The following TGFBI variants were observed in gnomAD, a reference collection of about 807,000 sequenced individuals.
TGFBI encodes transforming growth factor beta induced.
In TGFBI, 50 loss-of-function variants were observed where a neutral mutation model predicts 73.7. The observed-to-expected ratio is 0.68, with a 90% confidence interval of 0.54 to 0.86. The LOEUF is 0.86. TGFBI is among the 40% of genes least tolerant of loss of function. TGFBI has a pLI of 0.00. For missense variants in TGFBI, 839 were observed against 877.0 expected (o/e 0.96, Z 0.55); for synonymous variants, 362 against 360.5 (o/e 1.00, Z -0.05).
intron 12 of TGFBI, among the ~76,000 whole-genome samples, chr5:136,058,532 G>A: frequency 6.6e-6 from 1 of 152,160 alleles, no homozygotes. Flanking sequence ...ATCCCCCTCA[G>A]CCCTGACCTC....
intron 7 of TGFBI, among the ~76,000 whole-genome samples, chr5:136,052,482 G>A (rs1335735784): frequency 6.6e-6 from 1 of 152,206 alleles, no homozygotes; most frequent in African/African-American, 2.4e-5. Context: ...AGGCTCTCTT[G>A]AGTTTTTCTT....
intron 2 of TGFBI, among the ~76,000 whole-genome samples, chr5:136,040,088 TG>T (rs2126905769): frequency 6.6e-6 from 1 of 152,286 alleles, no homozygotes; most frequent in South Asian, 2.1e-4. Flanking sequence ...ATCCGTGAAG[TG>T]CAGTGGTTGT....
At chr5:136,032,240 G>C (rs1445444039) in intron 1 of TGFBI, among the ~76,000 whole-genome samples, 1 of 152,120 alleles carries the variant, frequency 6.6e-6, no homozygotes, top group East Asian at 1.9e-4. Context: ...CCCTTCTCCA[G>C]CCTTCACTTC....
At position 136,061,596 on chromosome 5, in the gene TGFBI, G is replaced by A. The variant is rs1460170677; in HGVS notation, c.1986+17G>A. 2 of 1,610,952 alleles carry A rather than the reference G, an allele frequency of 1.2e-6. No homozygotes were observed. The highest frequency in any genetic ancestry group is 2.7e-5 in the African/African-American group (2 of 74,856). On this transcript the variant is annotated intron_variant, in intron 15 of 16. Coordinates refer to ENST00000442011, the MANE Select transcript of TGFBI (RefSeq NM_000358.3). ...TTTTCCAGGGTAAGATGCCTGCTAG[G>A]TTTGCGCCTAGCCTGAGCAGCCTCA...
intron 1 of TGFBI, 150 bp from the exon 2 acceptor site, chr5:136,033,613 A>G (rs1272546493): frequency 3.1e-6 from 2 of 644,150 alleles, no homozygotes; most frequent in Non-Finnish European, 5.4e-6. Context: ...CAAAGTCTAA[A>G]CCCAAGATAT....
rs78031339 is a variant in TGFBI at position 136,034,579 on chromosome 5, A to C, written c.233+718A>C. Among the ~76,000 whole-genome samples, 541 of 151,906 alleles carry C rather than the reference A, an allele frequency of 3.6e-3. 5 individuals are homozygous for C. The highest frequency in any genetic ancestry group is 0.014 in the Middle Eastern group (4 of 294). ...TAGATTTGCAAATCTAGACCACACA[A>C]GCAGAAGTAAGAGTGCCAACGGGGT... On this transcript the variant is annotated intron_variant, in intron 2 of 16. Coordinates refer to ENST00000442011, the MANE Select transcript of TGFBI (RefSeq NM_000358.3).
At chr5:136,061,378 G>T in intron 14 of TGFBI, 122 bp from the exon 15 acceptor site, 1 of 740,888 alleles carries the variant, frequency 1.3e-6, no homozygotes, top group Non-Finnish European at 2.3e-6. Context: ...AAACATTATG[G>T]AGAAAACATG....
intron 15 of TGFBI, chr5:136,061,782 T>A (rs999600618): frequency 1.5e-6 from 1 of 650,500 alleles, no homozygotes; most frequent in East Asian, 2.9e-5. Context: ...CTGGCTTTCA[T>A]GGGCCAAAGC....
At chr5:136,042,581 ATAAGT>A (rs890963174) in intron 2 of TGFBI, among the ~76,000 whole-genome samples, 12 of 152,194 alleles carry the variant, frequency 7.9e-5, no homozygotes, top group Non-Finnish European at 1.6e-4. Flanking sequence ...TTTAGCCCTT[ATAAGT>A]TCAGGGATGA....
At chr5:136,046,159 T>C (rs1453539977) in intron 3 of TGFBI, 176 bp from the exon 4 acceptor site, 1 of 620,878 alleles carries the variant, frequency 1.6e-6, no homozygotes, top group African/African-American at 1.8e-5. Flanking sequence ...TTGAGTTGTT[T>C]TAAGAAGACT....
intron 9 of TGFBI, 56 bp from the exon 10 acceptor site, chr5:136,054,660 C>G: frequency 1.2e-6 from 2 of 1,610,480 alleles, no homozygotes; most frequent in African/African-American, 2.7e-5. Context: ...TCTCTCATCA[C>G]TCTCTTCATT....
chr5:136,042,643 A>G (rs954006620), intron 2 of TGFBI, among the ~76,000 whole-genome samples: 1 of 151,482 alleles, frequency 6.6e-6, no homozygotes, highest in Non-Finnish European at 1.5e-5. Flanking sequence ...GAAAAAAACA[A>G]AAGAGGAAGG....
intron 6 of TGFBI, chr5:136,049,015 G>C: frequency 6.0e-6 from 1 of 166,778 alleles, no homozygotes; most frequent in East Asian, 1.7e-4. Context: ...ACAGTGTGAG[G>C]AGGGCTGCAA....
At chr5:136,061,301 T>C in intron 14 of TGFBI, 199 bp from the exon 15 acceptor site, 1 of 608,914 alleles carries the variant, frequency 1.6e-6, no homozygotes, top group Admixed American at 2.6e-5. Context: ...GTCCTGCCTC[T>C]CCTCATGTGT....
rs200548657 is a variant in TGFBI at position 136,059,079 on chromosome 5, G to A, written c.1679-11G>A. ...GGGATTAACTCTATCTCCTTTTCCC[G>A]CAACCTGCAGGAGATGCCAAGGAAC... On this transcript the variant is annotated splice_polypyrimidine_tract_variant and intron_variant, in intron 12 of 16. Coordinates refer to ENST00000442011, the MANE Select transcript of TGFBI (RefSeq NM_000358.3). 1.1e-5 allele frequency: 17 copies of A among 1,608,630 alleles called. No homozygotes were observed. Among genetic ancestry groups the A allele is most frequent in the Non-Finnish European group, 1.4e-5 (16 of 1,177,604 alleles).
At chr5:136,055,022 C>A (rs903276120) in intron 10 of TGFBI, 161 bp downstream of exon 10, 2 of 856,840 alleles carry the variant, frequency 2.3e-6, no homozygotes, top group Non-Finnish European at 3.6e-6. Flanking sequence ...AAAATGAGAT[C>A]CTGCAGAAGG....
chr5:136,046,129 G>A (rs184735288), intron 3 of TGFBI: 30 of 513,220 alleles, frequency 5.8e-5, no homozygotes, highest in African/African-American at 3.6e-4. Flanking sequence ...TTGAGTTCAC[G>A]TAGACAGGCA....
At chr5:136,035,424 C>A (rs531855703) in intron 2 of TGFBI, among the ~76,000 whole-genome samples, 1 of 152,164 alleles carries the variant, frequency 6.6e-6, no homozygotes, top group East Asian at 1.9e-4. Context: ...GAGACAGAGA[C>A]CATCCTGGCT....
chr5:136,051,687 G>T (rs1004771329), intron 7 of TGFBI, among the ~76,000 whole-genome samples: 5 of 152,178 alleles, frequency 3.3e-5, no homozygotes, highest in African/African-American at 4.8e-5. Flanking sequence ...CAGGGCTGGT[G>T]GTGTGTCCAG....
Sources: allele counts gnomAD v4.1 joint callset (sites outside exome capture counted in the v4.1 genomes callset), GRCh38; gene constraint gnomAD v4.1.1; transcripts MANE v1.5; gene names NCBI Gene and HGNC (gene_info 2026-07-23, HGNC 2026-07-21).